The following HS6ST2 variants were observed in gnomAD, a reference collection of about 807,000 sequenced individuals.
HS6ST2 encodes heparan-sulfate 6-O-sulfotransferase 2.
Under a neutral mutation model 33.0 loss-of-function variants are expected in HS6ST2, and 17 were observed. The ratio of observed to expected loss-of-function variants is 0.52; its 90% confidence interval spans 0.35 to 0.77. HS6ST2 has a LOEUF of 0.77. HS6ST2 is among the 30% of genes least tolerant of loss of function. The pLI, the probability that HS6ST2 is intolerant of heterozygous loss-of-function variation, is 0.01. For missense variants in HS6ST2, 519 were observed against 551.7 expected (o/e 0.94, Z 0.59); for synonymous variants, 248 against 237.1 (o/e 1.05, Z -0.42).
At chrX:132,924,614 G>A (rs1427558835) in intron 2 of HS6ST2, among the ~76,000 whole-genome samples, 2 of 111,628 alleles carry the variant, frequency 1.8e-5, no homozygotes, top group African/African-American at 6.5e-5. Flanking sequence ...GGTTGCCAAG[G>A]GAACCAACCA....
At chrX:132,699,118 G>A (rs942043025) in intron 3 of HS6ST2, among the ~76,000 whole-genome samples, 3 of 111,305 alleles carry the variant, frequency 2.7e-5, no homozygotes, top group African/African-American at 9.8e-5. Context: ...ATGAAAATTA[G>A]TGAACAAAAG....
chrX:132,708,983 C>A (rs2064207980), intron 2 of HS6ST2, among the ~76,000 whole-genome samples: 1 of 112,296 alleles, frequency 8.9e-6, no homozygotes, highest in South Asian at 3.7e-4. Context: ...AACAATTAAA[C>A]TTTACTGATG....
chrX:132,863,792 C>G (rs2065937981), intron 2 of HS6ST2, among the ~76,000 whole-genome samples: 1 of 111,867 alleles, frequency 8.9e-6, no homozygotes, highest in Admixed American at 9.5e-5. Context: ...AGCATCGTAT[C>G]CACTGCAAAC....
chrX:132,715,571 T>G, intron 2 of HS6ST2, among the ~76,000 whole-genome samples: 1 of 112,523 alleles, frequency 8.9e-6, no homozygotes, highest in Middle Eastern at 4.6e-3. Flanking sequence ...GGCAGGGACT[T>G]GCCACAGATC....
chrX:132,647,131 G>A (rs1012321707), intron 4 of HS6ST2, among the ~76,000 whole-genome samples: 63 of 111,280 alleles, frequency 5.7e-4, no homozygotes, highest in African/African-American at 1.9e-3. Flanking sequence ...TGAGGAGAGA[G>A]AACATCTCCA....
At chrX:132,753,235 C>G (rs2064724543) in intron 2 of HS6ST2, among the ~76,000 whole-genome samples, 1 of 112,043 alleles carries the variant, frequency 8.9e-6, no homozygotes, top group Admixed American at 9.4e-5. Flanking sequence ...AAATTCATTC[C>G]TTGTCAGAAG....
intron 2 of HS6ST2, among the ~76,000 whole-genome samples, chrX:132,915,746 TGA>T (rs1025184285): frequency 2.7e-5 from 3 of 109,516 alleles, no homozygotes; most frequent in African/African-American, 1.0e-4. Context: ...TTTTTTTTTT[TGA>T]GAGAGAGTCT....
chrX:132,831,233 G>A (rs746704135), intron 2 of HS6ST2, among the ~76,000 whole-genome samples: 7 of 111,247 alleles, frequency 6.3e-5, no homozygotes, highest in Middle Eastern at 4.2e-3. Context: ...ACCTGACAAA[G>A]AGAGGACAGA....
At chrX:132,899,261 C>A (rs2066406451) in intron 2 of HS6ST2, among the ~76,000 whole-genome samples, 1 of 111,358 alleles carries the variant, frequency 9.0e-6, no homozygotes, top group Non-Finnish European at 1.9e-5. Context: ...ATCAGACATG[C>A]AAAGAATTAG....
At chrX:132,926,923 A>AAAAAC (rs1384783039) in intron 2 of HS6ST2, among the ~76,000 whole-genome samples, 49 of 111,095 alleles carry the variant, frequency 4.4e-4, no homozygotes, top group Admixed American at 1.9e-4. Flanking sequence ...ACTCCGTCTC[A>AAAAAC]AAAACAAAAC....
intron 2 of HS6ST2, among the ~76,000 whole-genome samples, chrX:132,756,196 G>C (rs1352569838): frequency 8.9e-6 from 1 of 112,124 alleles, no homozygotes; most frequent in Admixed American, 9.4e-5. Flanking sequence ...GTAGAATAAT[G>C]GCAGTTGTTC....
intron 2 of HS6ST2, among the ~76,000 whole-genome samples, chrX:132,804,626 C>T (rs780989552): frequency 4.5e-5 from 5 of 111,412 alleles, no homozygotes; most frequent in Non-Finnish European, 9.4e-5. Flanking sequence ...ATGGTGAAAC[C>T]TCATTTCTAC....
At chrX:132,678,389 C>A (rs2063940793) in intron 3 of HS6ST2, among the ~76,000 whole-genome samples, 1 of 111,616 alleles carries the variant, frequency 9.0e-6, no homozygotes, top group South Asian at 3.8e-4. Flanking sequence ...CCTTAGAAAT[C>A]AAGTAGAAGG....
At chrX:132,685,502 G>A (rs2064010115) in intron 3 of HS6ST2, among the ~76,000 whole-genome samples, 1 of 111,582 alleles carries the variant, frequency 9.0e-6, no homozygotes, top group Admixed American at 9.6e-5. Flanking sequence ...ACGAGGGCCT[G>A]TGTTGTACCC....
At chrX:132,854,831 G>A (rs1469942631) in intron 2 of HS6ST2, among the ~76,000 whole-genome samples, 3 of 111,699 alleles carry the variant, frequency 2.7e-5, no homozygotes, top group Non-Finnish European at 5.6e-5. Flanking sequence ...GAATTGTTTT[G>A]ACTTGTTCTA....
chrX:132,669,172 A>G lies in HS6ST2; in HGVS notation c.1008T>C (p.Thr336=). ...ATGACGGAGAGTTGGCGCCTGCGTT[A>G]GTGTTTGGAGAACCCCGTTTATCCT... ...ASKDKRGSPN[T]NAGANSPSST... Residue 336 remains threonine, a synonymous_variant, in exon 4 of 5, where the codon ACT becomes ACC. Transcript: ENST00000370833. The G allele has an allele frequency of 1.7e-6, 2 of 1,209,568 alleles. No homozygotes were observed. Among genetic ancestry groups the G allele is most frequent in the Non-Finnish European group, 2.2e-6 (2 of 894,013 alleles).
chrX:132,955,518 C>T (rs574513275), intron 2 of HS6ST2, among the ~76,000 whole-genome samples: 127 of 112,022 alleles, frequency 1.1e-3, no homozygotes, highest in Non-Finnish European at 2.1e-3. Context: ...TGCGTTCTAA[C>T]AGTCACCTGC....
At chrX:132,751,053 G>C (rs1441767768) in intron 2 of HS6ST2, among the ~76,000 whole-genome samples, 1 of 112,254 alleles carries the variant, frequency 8.9e-6, no homozygotes, top group Non-Finnish European at 1.9e-5. Context: ...GGTCCTGGTA[G>C]AGCAAGCTAA....
At chrX:132,893,185 C>G (rs2066334060) in intron 2 of HS6ST2, among the ~76,000 whole-genome samples, 1 of 111,697 alleles carries the variant, frequency 9.0e-6, no homozygotes, top group South Asian at 3.8e-4. Context: ...AGGACCTGGA[C>G]TCTGAACAAA....
Sources: gnomAD v4.1 joint callset for allele counts (sites outside exome capture counted in the v4.1 genomes callset) on GRCh38, gnomAD v4.1.1 for gene constraint, MANE v1.5 for transcripts, NCBI Gene and HGNC (gene_info 2026-07-23, HGNC 2026-07-21) for gene names.